HIP1R: variants seen among roughly 807,000 people sequenced by gnomAD.
HIP1R encodes the protein huntingtin interacting protein 1 related.
Under a neutral mutation model 144.2 loss-of-function variants are expected in HIP1R, and 135 were observed. That is an observed-to-expected ratio of 0.94 (90% CI 0.81 to 1.08). The LOEUF is 1.08. Ranked by LOEUF, HIP1R falls within the 50% of genes least tolerant of loss-of-function variation. The pLI, the probability that HIP1R is intolerant of heterozygous loss-of-function variation, is 0.00. For synonymous variants in HIP1R, 698 were observed against 612.8 expected, an observed-to-expected ratio of 1.14 and a Z score of -2.05; for missense variants, 1,462 against 1,432.8, an observed-to-expected ratio of 1.02 and a Z score of -0.33.
In HIP1R at chr12:122,859,945, A is replaced by C. The variant is rs969369797; in HGVS notation, c.2466-102A>C. The C allele has an allele frequency of 6.2e-6, 9 of 1,453,278 alleles. No homozygotes were observed. In the African/African-American group the frequency reaches 1.1e-4, roughly 18 times the overall value. The allele number at this position is 1,453,278 out of a possible 1,614,324, so 90.0% of individuals were successfully genotyped here. On this transcript the variant is annotated intron_variant, in intron 24 of 31. Transcript: ENST00000253083. Reference sequence around the variant, plus strand: ...AAGGAAGGCCTGGCTCAGAGCAGACACTCCCTCCCCACCTGCTGAGCCCTG... The same window carrying C: ...AAGGAAGGCCTGGCTCAGAGCAGACCCTCCCTCCCCACCTGCTGAGCCCTG...
At chr12:122,839,650 C>G (rs2033002420) in intron 1 of HIP1R, among the ~76,000 whole-genome samples, 1 of 152,186 alleles carries the variant, frequency 6.6e-6, no homozygotes. Context: ...CACGTGTGTA[C>G]TTTTAGATTG....
chr12:122,835,714 A>C, intron 1 of HIP1R, 71 bp downstream of exon 1: 6 of 878,672 alleles, frequency 6.8e-6, no homozygotes, highest in Non-Finnish European at 8.2e-6. Flanking sequence ...CTGACCCCTC[A>C]CGCGCGAACG....
intron 5 of HIP1R, chr12:122,850,230 T>C: frequency 1.7e-6 from 1 of 599,896 alleles, no homozygotes. Context: ...TCTGCTGTGC[T>C]GGCCGGGTGC....
chr12:122,843,408 T>G (rs769460715), intron 1 of HIP1R, among the ~76,000 whole-genome samples: 9 of 152,224 alleles, frequency 5.9e-5, no homozygotes, highest in Non-Finnish European at 1.3e-4. Flanking sequence ...AACAATGCTG[T>G]CTGCTCGGGG....
At position 122,854,090 on chromosome 12, in the gene HIP1R, G is replaced by C. The variant is rs1566108525; in HGVS notation, c.625G>C (p.Gly209Arg). 6.2e-7 allele frequency: 1 copy of C among 1,613,884 alleles called. No homozygotes were observed. The highest frequency in any genetic ancestry group is 8.5e-7 in the Non-Finnish European group (1 of 1,179,946). The change falls in exon 8 of 32, where the codon GGC (glycine) becomes CGC (arginine). Residue 209 changes from glycine to arginine, a missense_variant. Physicochemically the swap from Gly to Arg is moderately radical, Grantham distance 125. Transcript: ENST00000253083. ...CATCGCCGTATCCCAGATGTCCTCA[G>C]GCCAGTGCCGCCTGGCCCCCCTCAT... is the stretch of plus-strand genomic sequence containing the variant. Reference protein sequence around the residue: ...TAIAVSQMSSGQCRLAPLIQV... With the variant: ...TAIAVSQMSSRQCRLAPLIQV...
rs754834475 is a variant in HIP1R at position 122,851,240 on chromosome 12, C to T, written c.520C>T (p.Gln174Ter). The T allele has an allele frequency of 1.3e-6, 2 of 1,524,788 alleles. No individual in the cohort carries two copies. The highest frequency in any genetic ancestry group is 1.7e-6 in the Non-Finnish European group (2 of 1,143,874). 94.5% of individuals were successfully genotyped at this position (1,524,788 alleles called of 1,614,324 possible). ...AAGTDVNNIF[Q>*]LTVEMFDYMD... ...TCCCCCACTTCTCTTGCGTAGCTTC[C>T]AGCTCACTGTGGAGATGTTTGATTA... Residue 174 changes from glutamine to a stop codon, truncating the protein, a stop_gained, in exon 7 of 32, where the codon CAG becomes TAG. Coordinates refer to ENST00000253083, the MANE Select transcript of HIP1R (RefSeq NM_003959.3). LOFTEE classifies it high-confidence loss of function.
chr12:122,857,244 ACT>A (rs2033614448), intron 18 of HIP1R, 29 bp downstream of exon 18: 3 of 1,535,486 alleles, frequency 2.0e-6, no homozygotes, highest in South Asian at 2.4e-5. Flanking sequence ...CAGCAGCACC[ACT>A]GAGTTCACTG....
rs766164221 is a variant in HIP1R at position 122,861,127 on chromosome 12, A to G, written c.2891-4A>G. 1.3e-5 allele frequency: 21 copies of G among 1,613,236 alleles called. No individual in the cohort carries two copies. Among genetic ancestry groups the G allele is most frequent in the African/African-American group, 2.7e-5 (2 of 74,842 alleles). On this transcript the variant is annotated splice_region_variant and splice_polypyrimidine_tract_variant and intron_variant, in intron 29 of 31. Coordinates refer to ENST00000253083, the MANE Select transcript of HIP1R (RefSeq NM_003959.3). ...ATGTTCACCCCCTTGTCCTCCGGCC[A>G]CAGACACCATGGATTTCTCCGGCCT...
In HIP1R at chr12:122,836,530, C is replaced by G. The variant is rs2032900949; in HGVS notation, c.93+887C>G. On this transcript the variant is annotated intron_variant, in intron 1 of 31. Coordinates refer to ENST00000253083, the MANE Select transcript of HIP1R (RefSeq NM_003959.3). The surrounding 1 kb of genome is among the most constrained non-coding windows in gnomAD (Gnocchi z 4.1). ...TTCCTGTTGCTTTTTATTTTACAAA[C>G]TCTTGAAGTGCTCTCAGGCTTGGGG... Among the ~76,000 whole-genome samples the G allele has an allele frequency of 6.6e-6, 1 of 152,126 alleles. No individual in the cohort carries two copies. Among genetic ancestry groups the G allele is most frequent in the Non-Finnish European group, 1.5e-5 (1 of 68,036 alleles).
intron 26 of HIP1R, 76 bp from the exon 27 acceptor site, chr12:122,860,347 A>G: frequency 6.5e-7 from 1 of 1,544,844 alleles, no homozygotes; most frequent in African/African-American, 1.4e-5. Context: ...TGAGGGGGAG[A>G]GGGCCCTTGA....
At position 122,861,722 on chromosome 12, in the gene HIP1R, G is replaced by A. The variant is rs1469328694; in HGVS notation, c.3176G>A (p.Gly1059Asp). 1 of 1,614,122 alleles carries A rather than the reference G, an allele frequency of 6.2e-7. No homozygotes were observed. Among genetic ancestry groups the A allele is most frequent in the South Asian group, 1.1e-5 (1 of 91,088 alleles). The change falls in exon 32 of 32, where the codon GGC (glycine) becomes GAC (aspartate). Residue 1059 changes from glycine (G) to aspartate (D), a missense_variant. Physicochemically the swap from Gly to Asp is moderately conservative, Grantham distance 94. Transcript: ENST00000253083. ...RQDHQLDKKD[G>D]IYPAQLVNY ...CCCCTGCAGCTTGACAAAAAGGATGGCATCTACCCAGCTCAACTCGTGAAC... is the reference window on the plus strand; with the variant it reads ...CCCCTGCAGCTTGACAAAAAGGATGACATCTACCCAGCTCAACTCGTGAAC...
chr12:122,835,590 C>A lies in HIP1R; in HGVS notation c.40C>A (p.Arg14Ser). ...GAACGTGCCGGCGCGGGTGCTGAGC[C>A]GCAGGCCGGGCCACAGCCTGGAGGC... Reference protein sequence around the residue: ...IKNVPARVLSRRPGHSLEAER... With the variant: ...IKNVPARVLSSRPGHSLEAER... Residue 14 changes from arginine (R) to serine (S), a missense_variant, in exon 1 of 32, where the codon CGC becomes AGC. By Grantham distance (110) the Arg-to-Ser change is moderately radical. This residue lies in a region of HIP1R where 350 missense variants were observed against 421.1 expected (regional missense o/e 0.83). Coordinates refer to ENST00000253083, the MANE Select transcript of HIP1R (RefSeq NM_003959.3). 7.4e-7 allele frequency: 1 copy of A among 1,343,564 alleles called. No homozygotes were observed. Among genetic ancestry groups the A allele is most frequent in the Non-Finnish European group, 9.6e-7 (1 of 1,038,524 alleles). 83.2% of individuals were successfully genotyped at this position (1,343,564 alleles called of 1,614,324 possible).
In HIP1R at chr12:122,850,849, C is replaced by T. The variant is rs61739358; in HGVS notation, c.453C>T (p.Pro151=). 985 of 1,609,048 alleles carry T rather than the reference C, an allele frequency of 6.1e-4. 6 individuals carry two copies. In the African/African-American group the frequency reaches 8.7e-3, roughly 14 times the overall value. Residue 151 remains proline, a synonymous_variant, in exon 6 of 32, where the codon CCC becomes CCT. Coordinates refer to ENST00000253083, the MANE Select transcript of HIP1R (RefSeq NM_003959.3). ...ISFHLKHPQF[P]AGLEVTDEVL... is the part of the protein sequence containing the mutation. ...TCTCTCCACAGCATCCCCAGTTTCCCGCGGGCCTGGAGGTGACAGATGAGG... is the reference window on the plus strand; with the variant it reads ...TCTCTCCACAGCATCCCCAGTTTCCTGCGGGCCTGGAGGTGACAGATGAGG...
chr12:122,857,878 G>T (rs1245244338), intron 18 of HIP1R: 1 of 422,838 alleles, frequency 2.4e-6, no homozygotes, highest in Non-Finnish European at 4.2e-6. Flanking sequence ...TGTATCTTTG[G>T]AGAAATGTCT....
At chr12:122,835,104 T>G, upstream of HIP1R, 1 of 919,494 alleles carries the variant, frequency 1.1e-6, no homozygotes, top group Non-Finnish European at 1.5e-6. Flanking sequence ...TCCCCTACCC[T>G]CCCCTCCGGG....
rs1566104785 is a variant in HIP1R, at chr12:122,848,620, C to A, written c.300+12C>A. 5 of 1,605,352 alleles carry A rather than the reference C, an allele frequency of 3.1e-6. No individual in the cohort carries two copies. The Admixed American group carries it at 6.7e-5, about 22-fold the overall frequency. On this transcript the variant is annotated intron_variant, in intron 3 of 31. Coordinates refer to ENST00000253083, the MANE Select transcript of HIP1R (RefSeq NM_003959.3). ...ACGGGCACCCCAATGTGAGTAGCAG[C>A]TGCTGCCTCTGCTCCCCGGAGCTGG...
At chr12:122,848,703 C>A in intron 3 of HIP1R, 93 bp from the exon 4 acceptor site, 3 of 1,595,676 alleles carry the variant, frequency 1.9e-6, no homozygotes, top group Non-Finnish European at 1.7e-6. Flanking sequence ...TAGCTCCGGG[C>A]TGTTCCTCCC....
chr12:122,861,760 C>CA lies in HIP1R; in HGVS notation c.*8dup, dbSNP rs2033780446. On this transcript the variant is annotated 3_prime_UTR_variant, in exon 32 of 32. Transcript: ENST00000253083. ...TCAACTCGTGAACTACTAGGCCCCC[C>CA]AGGGGTCCAGCAGGGTGGCTGGTGA... is the stretch of plus-strand genomic sequence containing the variant. 1 of 1,613,808 alleles carries CA rather than the reference C, an allele frequency of 6.2e-7. No homozygotes were observed. The highest frequency in any genetic ancestry group is 1.3e-5 in the African/African-American group (1 of 74,946).
In HIP1R at chr12:122,855,802, A is replaced by G. The variant is rs752626940; in HGVS notation, c.1056-29A>G. ...GTCTGTTGACTGTTCTGGTTGACTTAACTTGAACCCCAGGACCTCTGTCCC... is the reference window on the plus strand; with the variant it reads ...GTCTGTTGACTGTTCTGGTTGACTTGACTTGAACCCCAGGACCTCTGTCCC... On this transcript the variant is annotated intron_variant, in intron 12 of 31. Coordinates refer to ENST00000253083, the MANE Select transcript of HIP1R (RefSeq NM_003959.3). 30 of 1,550,784 alleles carry G rather than the reference A, an allele frequency of 1.9e-5. No homozygotes were observed. The African/African-American group carries it at 4.0e-4, about 20-fold the overall frequency.
Sources: gnomAD v4.1 joint callset for allele counts (sites outside exome capture counted in the v4.1 genomes callset) on GRCh38, gnomAD v4.1.1 for gene constraint, gnomAD v4.1.1 regional missense constraint, Gnocchi (gnomAD v3.1) non-coding constraint, MANE v1.5 for transcripts, NCBI Gene and HGNC (gene_info 2026-07-23, HGNC 2026-07-21) for gene names.